Variants in LMX1A observed in about 807,000 individuals in gnomAD.
LMX1A encodes LIM homeobox transcription factor 1-alpha.
A neutral mutation model predicts 49.1 loss-of-function variants in LMX1A; 15 were observed. The ratio of observed to expected loss-of-function variants is 0.31; its 90% CI spans 0.20 to 0.47. LMX1A has a LOEUF of 0.47. Ranked by LOEUF, LMX1A falls within the 20% of genes least tolerant of loss-of-function variation. LMX1A has a pLI of 1.00. For missense variants in LMX1A, 372 were observed against 475.8 expected (o/e 0.78, Z 2.03); for synonymous variants, 167 against 185.7 (o/e 0.90, Z 0.82).
chr1:165,322,288 T>C (rs980179408), intron 3 of LMX1A, among the ~76,000 whole-genome samples: 1 of 152,174 alleles, frequency 6.6e-6, no homozygotes, highest in African/African-American at 2.4e-5. Context: ...AACTTAAACA[T>C]AGAATTGTCA....
chr1:165,307,218 A>C (rs564939226), intron 3 of LMX1A, among the ~76,000 whole-genome samples: 2 of 152,348 alleles, frequency 1.3e-5, no homozygotes, highest in South Asian at 4.1e-4. Flanking sequence ...AGATAAAGGG[A>C]GAAAGAGAAA....
At chr1:165,204,904 G>A (rs947282298) in intron 8 of LMX1A, among the ~76,000 whole-genome samples, 2 of 152,112 alleles carry the variant, frequency 1.3e-5, no homozygotes, top group African/African-American at 4.8e-5. Context: ...CAATGAGTGG[G>A]GTCAGCCAGT....
At chr1:165,273,190 T>C (rs535537081) in intron 3 of LMX1A, among the ~76,000 whole-genome samples, 5 of 152,196 alleles carry the variant, frequency 3.3e-5, no homozygotes, top group Admixed American at 6.5e-5. Flanking sequence ...GAGAACTCTT[T>C]CTGAGCAACC....
intron 3 of LMX1A, among the ~76,000 whole-genome samples, chr1:165,306,147 C>T (rs1366617749): frequency 6.6e-6 from 1 of 152,186 alleles, no homozygotes; most frequent in Non-Finnish European, 1.5e-5. Flanking sequence ...CTTTACTCCT[C>T]CAACCTTCTT....
At chr1:165,233,183 G>T (rs4657415) in intron 4 of LMX1A, among the ~76,000 whole-genome samples, 16,112 of 152,180 alleles carry the variant, frequency 0.11, 1,094 homozygotes, top group Admixed American at 0.14. Context: ...GGCCGGGCAC[G>T]GCGGCTCATG....
At chr1:165,353,988 G>A (rs1226683682) in intron 2 of LMX1A, among the ~76,000 whole-genome samples, 4 of 152,184 alleles carry the variant, frequency 2.6e-5, no homozygotes, top group African/African-American at 9.7e-5. Flanking sequence ...AGTGCTTGAG[G>A]GCGAAACGGG....
chr1:165,213,729 C>T lies in LMX1A; in HGVS notation c.581G>A (p.Arg194His), dbSNP rs909983869. 16 of 1,614,198 alleles carry T rather than the reference C, an allele frequency of 9.9e-6. No individual in the cohort carries two copies. The highest frequency in any genetic ancestry group is 2.2e-5 in the South Asian group (2 of 91,084). ...CAAGATGGTTCTCGGACGTTTGGGG[C>T]GCTTATGGTCCTTGCCTTCCTCAGC... The part of the protein sequence containing the change: ...GTAEEGKDHK[R>H]PKRPRTILTT... Residue 194 changes from arginine (R) to histidine (H), a missense_variant, in exon 5 of 9, where the codon CGC (arginine) becomes CAC (histidine). This residue lies in a region of LMX1A where 199 missense variants were observed against 244.0 expected (regional missense o/e 0.82). Coordinates refer to ENST00000342310, the MANE Select transcript of LMX1A (RefSeq NM_177398.4).
intron 3 of LMX1A, among the ~76,000 whole-genome samples, chr1:165,352,349 G>C (rs1656453555): frequency 6.6e-6 from 1 of 152,198 alleles, no homozygotes; most frequent in Non-Finnish European, 1.5e-5. Context: ...TGGCAGAAGA[G>C]CGTACCCACA....
chr1:165,291,898 C>A (rs1654477340), intron 3 of LMX1A, among the ~76,000 whole-genome samples: 1 of 151,790 alleles, frequency 6.6e-6, no homozygotes, highest in Non-Finnish European at 1.5e-5. Flanking sequence ...CCCGTCTCTA[C>A]TAAAAATACA....
At chr1:165,300,413 C>A (rs1654746151) in intron 3 of LMX1A, among the ~76,000 whole-genome samples, 1 of 152,198 alleles carries the variant, frequency 6.6e-6, no homozygotes, top group African/African-American at 2.4e-5. Context: ...CCTAACCCAT[C>A]CTTCTTCCCA....
At chr1:165,239,737 A>G (rs1341255767) in intron 4 of LMX1A, among the ~76,000 whole-genome samples, 1 of 152,228 alleles carries the variant, frequency 6.6e-6, no homozygotes, top group Non-Finnish European at 1.5e-5. Flanking sequence ...ACTAGTCATG[A>G]TATAAATATG....
At chr1:165,269,152 T>A (rs1299949178) in intron 3 of LMX1A, among the ~76,000 whole-genome samples, 1 of 152,190 alleles carries the variant, frequency 6.6e-6, no homozygotes, top group Admixed American at 6.5e-5. Context: ...GAGGGTGAGA[T>A]AACGAGCTTA....
intron 3 of LMX1A, among the ~76,000 whole-genome samples, chr1:165,265,615 C>T (rs1653598532): frequency 6.6e-6 from 1 of 152,180 alleles, no homozygotes; most frequent in African/African-American, 2.4e-5. Flanking sequence ...TGGCATCAAC[C>T]TCCATTGCAC....
chr1:165,334,667 A>G (rs1412106519), intron 3 of LMX1A, among the ~76,000 whole-genome samples: 2 of 152,204 alleles, frequency 1.3e-5, no homozygotes, highest in East Asian at 3.8e-4. Context: ...AATTCTTTTT[A>G]TGCTGATGTT....
chr1:165,324,683 T>C (rs1275540746), intron 3 of LMX1A, among the ~76,000 whole-genome samples: 1 of 152,312 alleles, frequency 6.6e-6, no homozygotes, highest in East Asian at 1.9e-4. Flanking sequence ...TAAAGGAGCA[T>C]AGCTCTTTAC....
At chr1:165,338,941 T>C (rs1655981543) in intron 3 of LMX1A, among the ~76,000 whole-genome samples, 1 of 152,226 alleles carries the variant, frequency 6.6e-6, no homozygotes, top group Non-Finnish European at 1.5e-5. Context: ...CCATACACTG[T>C]TCTCCCTCTC....
intron 4 of LMX1A, among the ~76,000 whole-genome samples, chr1:165,234,920 T>C (rs1652373384): frequency 6.6e-6 from 1 of 152,170 alleles, no homozygotes; most frequent in Non-Finnish European, 1.5e-5. Flanking sequence ...CCAGGCGACT[T>C]TCAACCAGTC....
At chr1:165,265,917 C>G (rs139053457) in intron 3 of LMX1A, among the ~76,000 whole-genome samples, 1,891 of 152,162 alleles carry the variant, frequency 0.012, 49 homozygotes, top group African/African-American at 0.043. Context: ...CCCGCAAAGA[C>G]ACACAAGGAT....
At chr1:165,212,804 G>A (rs1651466587) in intron 5 of LMX1A, 1 of 152,134 alleles carries the variant, frequency 6.6e-6, no homozygotes, top group Admixed American at 6.5e-5. Context: ...CAAGTTCTTG[G>A]TCACCCAGAC....
Sources: gnomAD v4.1 joint callset for allele counts (sites outside exome capture counted in the v4.1 genomes callset) on GRCh38, gnomAD v4.1.1 for gene constraint, gnomAD v4.1.1 regional missense constraint, MANE v1.5 for transcripts, NCBI Gene and HGNC (gene_info 2026-07-23, HGNC 2026-07-21) for gene names.